Variants in PUM1 observed in about 807,000 individuals in gnomAD.
The protein encoded by PUM1 is pumilio RNA binding family member 1, also known as pumilio homolog 1.
Under a neutral mutation model 131.8 loss-of-function variants are expected in PUM1, and 13 were observed. The ratio of observed to expected loss-of-function variants is 0.10; its 90% CI spans 0.06 to 0.16. The LOEUF is 0.16. PUM1 is among the 10% of genes least tolerant of loss of function. The pLI is 1.00. For synonymous variants in PUM1, 509 were observed against 556.5 expected (o/e 0.91, Z 1.20); for missense variants, 961 against 1,512.4 (o/e 0.64, Z 6.05).
chr1:30,986,161 G>T (rs1162418159), intron 7 of PUM1, among the ~76,000 whole-genome samples: 1 of 152,086 alleles, frequency 6.6e-6, no homozygotes, highest in African/African-American at 2.4e-5. Flanking sequence ...CACCATGTTG[G>T]CCAGGCTGAT....
intron 2 of PUM1, among the ~76,000 whole-genome samples, chr1:31,040,852 C>G (rs1643792039): frequency 6.6e-6 from 1 of 151,968 alleles, no homozygotes; most frequent in Admixed American, 6.6e-5. Flanking sequence ...CCAAAAGCAA[C>G]AGGAAAGAAA....
At chr1:30,952,903 G>A (rs940830435) in intron 15 of PUM1, among the ~76,000 whole-genome samples, 2 of 151,976 alleles carry the variant, frequency 1.3e-5, no homozygotes, top group Non-Finnish European at 2.9e-5. Context: ...GTGAACCCGG[G>A]AGGCAGAGCT....
At position 30,969,660 on chromosome 1, in the gene PUM1, C is replaced by T. The variant is rs751431135; in HGVS notation, c.1507-1168G>A. Among the ~76,000 whole-genome samples the T allele has an allele frequency of 5.1e-4, 77 of 151,596 alleles. 1 individual carries two copies. The highest frequency in any genetic ancestry group is 3.4e-3 in the Middle Eastern group (1 of 292). On this transcript the variant is annotated intron_variant, in intron 10 of 21. Transcript: ENST00000426105. ...CTACTTTTTTTTTTTTGGTGGGCGG[C>T]GGGTGGCGCGGAGTGCAGGGAAGAG...
At chr1:30,997,618 A>G (rs368699479) in intron 5 of PUM1, among the ~76,000 whole-genome samples, 1 of 151,010 alleles carries the variant, frequency 6.6e-6, no homozygotes, top group East Asian at 1.9e-4. Flanking sequence ...GCTCTGCATT[A>G]TCTTTCCTCA....
At chr1:31,063,506 A>T (rs2124035016) in intron 1 of PUM1, among the ~76,000 whole-genome samples, 1 of 152,304 alleles carries the variant, frequency 6.6e-6, no homozygotes, top group African/African-American at 2.4e-5. Flanking sequence ...AGATTACCTA[A>T]GGAGGACAAT....
intron 14 of PUM1, among the ~76,000 whole-genome samples, chr1:30,956,711 G>A (rs1640179575): frequency 6.6e-6 from 1 of 152,142 alleles, no homozygotes; most frequent in Non-Finnish European, 1.5e-5. Flanking sequence ...AAGAAGGTAT[G>A]GGGCGAACAC....
intron 15 of PUM1, among the ~76,000 whole-genome samples, chr1:30,952,999 AAAAC>A (rs1640012138): frequency 1.3e-5 from 2 of 150,476 alleles, no homozygotes; most frequent in Admixed American, 1.3e-4. Flanking sequence ...AAAACAAAAC[AAAAC>A]AAAAAAACAA....
intron 17 of PUM1, among the ~76,000 whole-genome samples, chr1:30,949,885 TTAA>T (rs2124408400): frequency 6.6e-6 from 1 of 152,320 alleles, no homozygotes; most frequent in Admixed American, 6.5e-5. Flanking sequence ...ATTGAACCTA[TTAA>T]AGGCTAAGTT....
intron 3 of PUM1, among the ~76,000 whole-genome samples, chr1:31,025,164 C>G (rs1643176240): frequency 6.6e-6 from 1 of 152,130 alleles, no homozygotes; most frequent in African/African-American, 2.4e-5. Flanking sequence ...CAGCTAAGAA[C>G]AGCTTGGAGA....
At chr1:30,964,932 G>A (rs1640557230) in intron 13 of PUM1, 22 bp from the exon 14 acceptor site, 4 of 1,596,134 alleles carry the variant, frequency 2.5e-6, no homozygotes, top group Non-Finnish European at 3.4e-6. Flanking sequence ...TTAAAACAAT[G>A]CAGATAAGAA....
intron 18 of PUM1, 66 bp from the exon 19 acceptor site, chr1:30,942,189 G>C (rs1570089421): frequency 6.7e-6 from 1 of 148,762 alleles, no homozygotes; most frequent in East Asian, 1.4e-4. Flanking sequence ...CTTCAGTATT[G>C]TTTATATATA....
intron 14 of PUM1, among the ~76,000 whole-genome samples, chr1:30,961,296 G>C (rs1320803118): frequency 6.6e-6 from 1 of 151,272 alleles, no homozygotes; most frequent in Non-Finnish European, 1.5e-5. Flanking sequence ...GATCACTGGA[G>C]GCCCGGAGTT....
chr1:31,062,838 T>C (rs1408430817), intron 1 of PUM1, among the ~76,000 whole-genome samples: 1 of 152,166 alleles, frequency 6.6e-6, no homozygotes, highest in Non-Finnish European at 1.5e-5. Flanking sequence ...TAAAGTAGCA[T>C]TTGCTTCTCA....
At chr1:31,009,782 A>AAACAAAACAAAAAC (rs1553150215) in intron 3 of PUM1, among the ~76,000 whole-genome samples, 4 of 125,354 alleles carry the variant, frequency 3.2e-5, no homozygotes, top group South Asian at 2.6e-4. Flanking sequence ...AAAAAAAAAA[A>AAACAAAACAAAAAC]AAAAACAAAA....
At chr1:30,998,840 A>G (rs955362550) in intron 5 of PUM1, among the ~76,000 whole-genome samples, 1 of 152,210 alleles carries the variant, frequency 6.6e-6, no homozygotes, top group Non-Finnish European at 1.5e-5. Context: ...ATTAATAGAC[A>G]GCAGTATCAG....
At position 31,065,710 on chromosome 1, in the gene PUM1, G is replaced by A. The variant is rs1644469464; in HGVS notation, c.-106C>T. ...TTACCTTTCACTCCGACAACATGGC[G>A]GCCCACTGGGGACTGGGTTGGCGCG... On this transcript the variant is annotated 5_prime_UTR_variant, in exon 1 of 22. Transcript: ENST00000426105. The A allele has an allele frequency of 1.9e-6, 3 of 1,549,548 alleles. No individual in the cohort carries two copies. Among genetic ancestry groups the A allele is most frequent in the Admixed American group, 2.0e-5 (1 of 50,966 alleles).
chr1:30,999,606 CAAAAAAAAAAAAAAAAA>C (rs56936440), intron 5 of PUM1, among the ~76,000 whole-genome samples: 39 of 53,982 alleles, frequency 7.2e-4, no homozygotes, highest in South Asian at 1.6e-3. Flanking sequence ...GACTCTGTCT[CAAAAAAAAAAAAAAAAA>C]AAAAAAAAAA....
rs751510345 is a variant in PUM1, at chr1:30,975,517, ATTTTT to A, written c.1355-720_1355-716del. Reference sequence around the variant, plus strand: ...AGATGCATGCCACTATACCTGACTAATTTTTTTTTTTTTTTTTTTTTTTTTGGTAG... The same window carrying A: ...AGATGCATGCCACTATACCTGACTAATTTTTTTTTTTTTTTTTTTTGGTAG... On this transcript the variant is annotated intron_variant, in intron 9 of 21. Transcript: ENST00000426105. 5.9e-5 allele frequency among the ~76,000 whole-genome samples: 5 copies of A among 84,144 alleles called. No homozygotes were observed. In the East Asian group the frequency reaches 9.9e-4, roughly 17 times the overall value. The allele number at this position is 84,144 out of a possible 152,430, so 55.2% of individuals were successfully genotyped here. A position where few individuals can be genotyped will look rare whatever the true frequency, so the allele number is the denominator to read the frequency against.
intron 3 of PUM1, among the ~76,000 whole-genome samples, chr1:31,018,864 G>A (rs1642919172): frequency 6.6e-6 from 1 of 152,072 alleles, no homozygotes; most frequent in South Asian, 2.1e-4. Context: ...TGGGGTACAT[G>A]AAGAAAAAGA....
Sources: allele counts gnomAD v4.1 joint callset (sites outside exome capture counted in the v4.1 genomes callset), GRCh38; gene constraint gnomAD v4.1.1; transcripts MANE v1.5; gene names NCBI Gene and HGNC (gene_info 2026-07-23, HGNC 2026-07-21).